Variants in PLA1A observed in about 807,000 individuals in gnomAD.
PLA1A encodes the protein phosphatidylserine-specific phospholipase A1alpha.
Under a neutral mutation model 49.4 loss-of-function variants are expected in PLA1A, and 47 were observed. The observed-to-expected ratio is 0.95, with a 90% CI of 0.75 to 1.21. The LOEUF is 1.21. PLA1A is among the 50% of genes most tolerant of loss of function. The pLI is 0.00. For missense variants in PLA1A, 561 were observed against 563.9 expected, an observed-to-expected ratio of 0.99 and a Z score of 0.05; for synonymous variants, 224 against 207.9, an observed-to-expected ratio of 1.08 and a Z score of -0.67.
chr3:119,601,138 C>T (rs946178868), intron 1 of PLA1A, among the ~76,000 whole-genome samples: 1 of 152,248 alleles, frequency 6.6e-6, no homozygotes, highest in African/African-American at 2.4e-5. Flanking sequence ...ACTGCCAGAA[C>T]ACCCTTCCCT....
intron 2 of PLA1A, among the ~76,000 whole-genome samples, chr3:119,608,297 A>G (rs74631144): frequency 6.6e-6 from 1 of 151,138 alleles, no homozygotes; most frequent in Non-Finnish European, 1.5e-5. Flanking sequence ...AGAAAGAAAG[A>G]AAAAGAAAAT....
At chr3:119,627,634 G>GA (rs11378417) in intron 9 of PLA1A, among the ~76,000 whole-genome samples, 47,648 of 151,868 alleles carry the variant, frequency 0.31, 9,668 homozygotes, top group African/African-American at 0.57. Flanking sequence ...CACCACCCCT[G>GA]CCCCCGCCGA....
intron 6 of PLA1A, among the ~76,000 whole-genome samples, chr3:119,617,244 A>T (rs570467153): frequency 6.6e-6 from 1 of 152,230 alleles, no homozygotes; most frequent in Non-Finnish European, 1.5e-5. Context: ...GCCTCAGCAC[A>T]TTGGGTGTAG....
intron 1 of PLA1A, among the ~76,000 whole-genome samples, chr3:119,599,640 C>A (rs1052925493): frequency 6.6e-6 from 1 of 152,148 alleles, no homozygotes; most frequent in African/African-American, 2.4e-5. Context: ...TTAGGGTCAG[C>A]GCAGAAGCTG....
intron 9 of PLA1A, among the ~76,000 whole-genome samples, chr3:119,626,834 C>T (rs1388332170): frequency 6.6e-6 from 1 of 152,162 alleles, no homozygotes; most frequent in Non-Finnish European, 1.5e-5. Flanking sequence ...CCTGCAGGTG[C>T]CCACAGAGCC....
Position 119,619,578 on chromosome 3 carries a change from G to A in PLA1A, c.938G>A (p.Gly313Asp), listed in dbSNP as rs1260766646. The A allele has an allele frequency of 6.2e-7, 1 of 1,613,474 alleles. No homozygotes were observed. Among genetic ancestry groups the A allele is most frequent in the Non-Finnish European group, 8.5e-7 (1 of 1,179,384 alleles). Reference protein sequence around the residue: ...SCPRIGLVEQGGVKIEPLPKE... With the variant: ...SCPRIGLVEQDGVKIEPLPKE... Reference sequence around the variant, plus strand: ...TTATTTCCAGGACTGGTGGAACAAGGTGGTGTCAAGATAGAGCCGCTCCCC... The same window carrying A: ...TTATTTCCAGGACTGGTGGAACAAGATGGTGTCAAGATAGAGCCGCTCCCC... The change falls in exon 8 of 11, where the codon GGT (glycine) becomes GAT (aspartate). Residue 313 changes from glycine (G) to aspartate (D), a missense_variant. Coordinates refer to ENST00000273371, the MANE Select transcript of PLA1A (RefSeq NM_015900.4).
In PLA1A at chr3:119,629,405, T is replaced by C; in HGVS notation, c.1308T>C (p.Pro436=). 2 of 1,609,796 alleles carry C rather than the reference T, an allele frequency of 1.2e-6. No homozygotes were observed. The highest frequency in any genetic ancestry group is 2.2e-5 in the East Asian group (1 of 44,854). Residue 436 remains proline, a synonymous_variant, in exon 11 of 11, where the codon CCT becomes CCC. Coordinates refer to ENST00000273371, the MANE Select transcript of PLA1A (RefSeq NM_015900.4). ...VNDREKMVCL[P]EPVNLQASVT... ...CCAGAGAAAAGATGGTCTGCTTACC[T>C]GAACCAGTGAACTTACAAGCAAGTG...
chr3:119,608,591 G>GT (rs1397634792), intron 2 of PLA1A, among the ~76,000 whole-genome samples, 179 bp from the exon 3 acceptor site: 1 of 152,202 alleles, frequency 6.6e-6, no homozygotes, highest in African/African-American at 2.4e-5. Flanking sequence ...CTGGCGGAAG[G>GT]GCTGGCAACT....
intron 4 of PLA1A, 119 bp downstream of exon 4, chr3:119,609,695 C>G: frequency 1.8e-6 from 1 of 540,918 alleles, no homozygotes; most frequent in Non-Finnish European, 3.3e-6. Flanking sequence ...GATCAAGTCA[C>G]CTATTACCAC....
intron 1 of PLA1A, among the ~76,000 whole-genome samples, chr3:119,602,549 T>A (rs1293846220): frequency 6.6e-6 from 1 of 152,192 alleles, no homozygotes; most frequent in Non-Finnish European, 1.5e-5. Flanking sequence ...TTACTCTGTC[T>A]TATCAAAAGT....
In PLA1A at chr3:119,629,675, T is replaced by C. The variant is rs2052599249; in HGVS notation, c.*207T>C. 5.5e-6 allele frequency: 3 copies of C among 542,766 alleles called. No individual in the cohort carries two copies. In the Admixed American group the frequency reaches 9.5e-5, roughly 17 times the overall value. 33.6% of individuals were successfully genotyped at this position (542,766 alleles called of 1,614,324 possible). On this transcript the variant is annotated 3_prime_UTR_variant, in exon 11 of 11. Transcript: ENST00000273371. ...CTTGGTTTCCTTTGCCGATCTTATG[T>C]ACATACCCATTTTAGCTTTCCCATG... is the stretch of plus-strand genomic sequence containing the variant.
rs979313266 is a variant in PLA1A at position 119,615,725 on chromosome 3, C to T, written c.665-287C>T. Among the ~76,000 whole-genome samples the T allele has an allele frequency of 2.6e-5, 4 of 151,840 alleles. No individual in the cohort carries two copies. In the East Asian group the frequency reaches 5.8e-4, roughly 22 times the overall value. On this transcript the variant is annotated intron_variant, in intron 5 of 10. Transcript: ENST00000273371. Reference sequence around the variant, plus strand: ...GCTACTCCTGCTGAGGCAGGAGAATCGCTTGAATCCGGGAGGCGGAGGTTG... The same window carrying T: ...GCTACTCCTGCTGAGGCAGGAGAATTGCTTGAATCCGGGAGGCGGAGGTTG...
intron 1 of PLA1A, among the ~76,000 whole-genome samples, chr3:119,601,857 A>C (rs2082622099): frequency 1.3e-5 from 2 of 152,164 alleles, no homozygotes; most frequent in Admixed American, 1.3e-4. Context: ...TCTTATGTTA[A>C]AGAGGGTTGA....
chr3:119,609,173 T>C (rs994460926), intron 3 of PLA1A, among the ~76,000 whole-genome samples: 2 of 152,138 alleles, frequency 1.3e-5, no homozygotes, highest in Non-Finnish European at 2.9e-5. Flanking sequence ...CGTGGCACTT[T>C]AGACAGCGAA....
intron 4 of PLA1A, among the ~76,000 whole-genome samples, chr3:119,611,554 C>T (rs920309737): frequency 4.6e-5 from 7 of 151,794 alleles, no homozygotes; most frequent in Admixed American, 3.3e-4. Context: ...TAGAGTTATC[C>T]TTGTACAGAT....
chr3:119,618,592 G>A (rs114050580), intron 7 of PLA1A, among the ~76,000 whole-genome samples: 3,353 of 152,262 alleles, frequency 0.022, 54 homozygotes, highest in Middle Eastern at 0.065. Context: ...ATTACAGGTC[G>A]GATATTCTGG....
rs182734641 is a variant in PLA1A at position 119,621,492 on chromosome 3, C to T, written c.1012+1840C>T. 3.3e-4 allele frequency among the ~76,000 whole-genome samples: 50 copies of T among 152,358 alleles called. 1 individual carries two copies. The East Asian group carries it at 9.4e-3, about 29-fold the overall frequency. ...CAGCCACTCTCAGGCCATCATGGCACTGGGCTCCCATGCCTAGCACTCTTG... is the reference window on the plus strand; with the variant it reads ...CAGCCACTCTCAGGCCATCATGGCATTGGGCTCCCATGCCTAGCACTCTTG... On this transcript the variant is annotated intron_variant, in intron 8 of 10. Transcript: ENST00000273371.
intron 8 of PLA1A, among the ~76,000 whole-genome samples, chr3:119,624,013 C>A (rs1223878517): frequency 3.3e-5 from 5 of 152,160 alleles, no homozygotes. Context: ...GAGTGAGCCA[C>A]CACGCCTGAC....
rs916276664 is a variant in PLA1A at position 119,629,000 on chromosome 3, C to G, written c.1286+135C>G. 1.9e-5 allele frequency: 15 copies of G among 769,978 alleles called. No homozygotes were observed. The South Asian group carries it at 2.3e-4, about 12-fold the overall frequency. The allele number at this position is 769,978 out of a possible 1,614,324, so 47.7% of individuals were successfully genotyped here. A position where few individuals can be genotyped will look rare whatever the true frequency, so the allele number is the denominator to read the frequency against. The stretch of plus-strand genomic sequence containing the variant: ...CTTAGAAGCAGAGATGACAGACACC[C>G]GGTGTTTTCCAGAACCTCCTGTGGG... On this transcript the variant is annotated intron_variant, in intron 10 of 10. Coordinates refer to ENST00000273371, the MANE Select transcript of PLA1A (RefSeq NM_015900.4).
Sources: allele counts gnomAD v4.1 joint callset (sites outside exome capture counted in the v4.1 genomes callset), GRCh38; gene constraint gnomAD v4.1.1; transcripts MANE v1.5; gene names NCBI Gene and HGNC (gene_info 2026-07-23, HGNC 2026-07-21).